ACSS1: variants seen among roughly 807,000 people sequenced by gnomAD.
ACSS1 encodes acyl-CoA synthetase short chain family member 1.
ACSS1 carries 42 observed loss-of-function variants against 75.3 expected under a neutral mutation model. The observed-to-expected ratio is 0.56, with a 90% CI of 0.44 to 0.72. The LOEUF is 0.72. Among genes scored for constraint, ACSS1 ranks in the 30% least tolerant of loss-of-function variants. The pLI, the probability that ACSS1 is intolerant of heterozygous loss-of-function variation, is 0.00. For missense variants in ACSS1, 782 were observed against 935.7 expected (o/e 0.84, Z 2.14); for synonymous variants, 380 against 376.8 (o/e 1.01, Z -0.10).
intron 9 of ACSS1, 50 bp downstream of exon 9, chr20:25,013,910 GA>G: frequency 3.2e-6 from 5 of 1,559,918 alleles, no homozygotes; most frequent in Non-Finnish European, 4.4e-6. Flanking sequence ...GGCAGGCAGG[GA>G]CAAGGGAGGG....
At chr20:25,033,550 G>A (rs1244887040) in intron 2 of ACSS1, among the ~76,000 whole-genome samples, 1 of 152,178 alleles carries the variant, frequency 6.6e-6, no homozygotes. Context: ...GTTTGAAATC[G>A]TTTTCTAAAA....
At chr20:25,012,146 G>A (rs372829340) in intron 12 of ACSS1, 35 of 190,354 alleles carry the variant, frequency 1.8e-4, no homozygotes, top group South Asian at 4.4e-4. Context: ...GAGTCCCAGC[G>A]CAGCACACAG....
intron 7 of ACSS1, among the ~76,000 whole-genome samples, chr20:25,019,202 C>A (rs1005210327): frequency 6.6e-6 from 1 of 152,248 alleles, no homozygotes; most frequent in Admixed American, 6.5e-5. Context: ...CGTGACCACA[C>A]GTCAAGGCAG....
intron 7 of ACSS1, among the ~76,000 whole-genome samples, chr20:25,016,991 T>G (rs796493586): frequency 6.6e-5 from 10 of 151,660 alleles, no homozygotes; most frequent in East Asian, 3.9e-4. Context: ...TTTTTTTTTT[T>G]CTTTTTTTTT....
chr20:25,011,927 T>C (rs555319291), intron 12 of ACSS1: 2 of 154,252 alleles, frequency 1.3e-5, no homozygotes, highest in African/African-American at 4.8e-5. Context: ...GGTCAGTGTG[T>C]GTCCAGGTCA....
intron 2 of ACSS1, chr20:25,045,859 A>G (rs774529191): frequency 2.6e-5 from 4 of 152,210 alleles, no homozygotes; most frequent in Non-Finnish European, 4.4e-5. Flanking sequence ...AGTAAATAGA[A>G]ATGGTCACCT....
intron 3 of ACSS1, 84 bp downstream of exon 3, chr20:25,030,675 T>C (rs2088805900): frequency 6.9e-7 from 1 of 1,458,410 alleles, no homozygotes; most frequent in Non-Finnish European, 9.4e-7. Context: ...TGCACTCTGA[T>C]GGTCTCTACA....
rs1269671051 is a variant in ACSS1, at chr20:25,019,997, G to A, written c.1246+13C>T. On this transcript the variant is annotated intron_variant, in intron 7 of 13. Coordinates refer to ENST00000323482, the MANE Select transcript of ACSS1 (RefSeq NM_032501.4). ...CAAGCACAACCTCTCCTGCTGCAGG[G>A]CAGGCCGCTCACCTGACCCCAGGGT... The A allele has an allele frequency of 1.2e-6, 2 of 1,613,962 alleles. No homozygotes were observed. Among genetic ancestry groups the A allele is most frequent in the African/African-American group, 2.7e-5 (2 of 74,928 alleles).
intron 2 of ACSS1, among the ~76,000 whole-genome samples, chr20:25,043,057 C>A (rs1449919503): frequency 6.6e-6 from 1 of 152,070 alleles, no homozygotes; most frequent in African/African-American, 2.4e-5. Context: ...AGGTCCTGGG[C>A]CCTGGCCCCT....
chr20:25,055,820 GT>G (rs1393043812), intron 1 of ACSS1, among the ~76,000 whole-genome samples: 1 of 152,178 alleles, frequency 6.6e-6, no homozygotes, highest in Non-Finnish European at 1.5e-5. Flanking sequence ...TCAGACCAAA[GT>G]GTTCTCATCC....
chr20:25,051,239 C>T (rs1053069770), intron 1 of ACSS1, among the ~76,000 whole-genome samples: 1 of 152,236 alleles, frequency 6.6e-6, no homozygotes, highest in Non-Finnish European at 1.5e-5. Flanking sequence ...TGCTCACTGC[C>T]TGCTGCGCTC....
chr20:25,026,905 C>A (rs1483642153), intron 3 of ACSS1, among the ~76,000 whole-genome samples: 1 of 152,224 alleles, frequency 6.6e-6, no homozygotes, highest in Non-Finnish European at 1.5e-5. Context: ...GGAGCTGCCC[C>A]AGCATCCAGC....
At chr20:25,022,887 G>C (rs1009252084) in intron 5 of ACSS1, 53 bp downstream of exon 5, 89 of 1,537,918 alleles carry the variant, frequency 5.8e-5, no homozygotes, top group Non-Finnish European at 7.3e-5. Flanking sequence ...TTCCAGCCCT[G>C]CCCCTGCCTG....
chr20:25,019,897 A>G (rs1433514591), intron 7 of ACSS1, 113 bp downstream of exon 7: 1 of 1,482,372 alleles, frequency 6.7e-7, no homozygotes, highest in Non-Finnish European at 9.1e-7. Context: ...CATTGCGTGA[A>G]TTCACACATA....
intron 12 of ACSS1, 43 bp from the exon 13 acceptor site, chr20:25,009,431 A>G (rs1487342908): frequency 1.3e-6 from 2 of 1,530,280 alleles, no homozygotes; most frequent in Non-Finnish European, 1.8e-6. Context: ...AATACTAGAC[A>G]AGGAGCCAAC....
At position 25,007,681 on chromosome 20, in the gene ACSS1, C is replaced by T; in HGVS notation, c.*81G>A. ...GCTGCTTCTGGGACGTAGGAAGACG[C>T]CAACCTCAGGGGTACCTTCTGGGAA... On this transcript the variant is annotated 3_prime_UTR_variant, in exon 14 of 14. Coordinates refer to ENST00000323482, the MANE Select transcript of ACSS1 (RefSeq NM_032501.4). 1 of 1,555,474 alleles carries T rather than the reference C, an allele frequency of 6.4e-7. No homozygotes were observed. The highest frequency in any genetic ancestry group is 8.7e-7 in the Non-Finnish European group (1 of 1,151,948).
intron 2 of ACSS1, among the ~76,000 whole-genome samples, chr20:25,032,954 A>G (rs2088852172): frequency 6.6e-6 from 1 of 152,198 alleles, no homozygotes; most frequent in Non-Finnish European, 1.5e-5. Flanking sequence ...AGGCTTTCAG[A>G]AGGAGGACAA....
At chr20:25,034,808 T>C (rs1317672335) in intron 2 of ACSS1, among the ~76,000 whole-genome samples, 1 of 152,026 alleles carries the variant, frequency 6.6e-6, no homozygotes, top group Non-Finnish European at 1.5e-5. Flanking sequence ...CCTCAGGAGA[T>C]CCACCCACCT....
intron 3 of ACSS1, among the ~76,000 whole-genome samples, chr20:25,026,971 A>G (rs78631412): frequency 0.037 from 5,616 of 152,332 alleles, 389 homozygotes; most frequent in African/African-American, 0.13. Context: ...GCTTGTTTCA[A>G]ACAATCTCAA....
Sources: gnomAD v4.1 joint callset for allele counts (sites outside exome capture counted in the v4.1 genomes callset) on GRCh38, gnomAD v4.1.1 for gene constraint, MANE v1.5 for transcripts, NCBI Gene and HGNC (gene_info 2026-07-23, HGNC 2026-07-21) for gene names.